Variants in BTRC observed in about 807,000 individuals in gnomAD.
BTRC encodes the protein F-box/WD repeat-containing protein 1A.
BTRC carries 42 observed loss-of-function variants against 85.5 expected under a neutral mutation model. The ratio of observed to expected loss-of-function variants is 0.49; its 90% confidence interval spans 0.38 to 0.64. The LOEUF (loss-of-function observed/expected upper bound fraction) is 0.64, where lower values mean the gene tolerates loss of function less well. BTRC is among the 30% of genes least tolerant of loss of function. The pLI is 0.00. For synonymous variants in BTRC, 255 were observed against 263.3 expected, an observed-to-expected ratio of 0.97 and a Z score of 0.30; for missense variants, 594 against 743.5, an observed-to-expected ratio of 0.80 and a Z score of 2.34.
chr10:101,509,003 C>G (rs1466179761), intron 4 of BTRC, among the ~76,000 whole-genome samples: 1 of 147,814 alleles, frequency 6.8e-6, no homozygotes, highest in African/African-American at 2.5e-5. Context: ...TCTGCATGTT[C>G]AATTTGTAGC....
chr10:101,531,797 T>G (rs1198308252), intron 7 of BTRC, among the ~76,000 whole-genome samples: 4 of 152,204 alleles, frequency 2.6e-5, no homozygotes, highest in Admixed American at 2.0e-4. Flanking sequence ...AGGCAAAATT[T>G]TAAAGCTTTA....
At chr10:101,390,830 T>C (rs1442892422) in intron 1 of BTRC, among the ~76,000 whole-genome samples, 2 of 152,194 alleles carry the variant, frequency 1.3e-5, no homozygotes, top group African/African-American at 4.8e-5. Context: ...CAGCACTCTC[T>C]TCTTTCTAAT....
At chr10:101,456,664 C>G (rs1467081071) in intron 2 of BTRC, among the ~76,000 whole-genome samples, 1 of 152,124 alleles carries the variant, frequency 6.6e-6, no homozygotes, top group East Asian at 1.9e-4. Context: ...GGAGCTTTAG[C>G]AGTATTTCCT....
intron 1 of BTRC, among the ~76,000 whole-genome samples, chr10:101,364,009 T>C (rs1268500222): frequency 6.6e-6 from 1 of 152,184 alleles, no homozygotes; most frequent in Non-Finnish European, 1.5e-5. Flanking sequence ...GATCTAAACT[T>C]GGCTTACTCA....
chr10:101,435,093 C>T (rs1944494436), intron 2 of BTRC, among the ~76,000 whole-genome samples: 1 of 151,996 alleles, frequency 6.6e-6, no homozygotes, highest in Non-Finnish European at 1.5e-5. Context: ...AATCTAGTAT[C>T]TTCTCTGCCC....
chr10:101,536,736 C>G, intron 12 of BTRC, 83 bp downstream of exon 12: 1 of 1,013,740 alleles, frequency 9.9e-7, no homozygotes, highest in Non-Finnish European at 1.5e-6. Flanking sequence ...CATAACCATT[C>G]CTTGTTTCTA....
chr10:101,548,769 G>T (rs2062599287), intron 13 of BTRC, among the ~76,000 whole-genome samples: 1 of 149,396 alleles, frequency 6.7e-6, no homozygotes, highest in East Asian at 2.0e-4. Flanking sequence ...GAAAAACCAG[G>T]CATGGCTGGG....
chr10:101,387,374 GTTAATTA>G (rs1943105950), intron 1 of BTRC, among the ~76,000 whole-genome samples: 1 of 150,584 alleles, frequency 6.6e-6, no homozygotes, highest in Admixed American at 6.6e-5. Flanking sequence ...GTATTTTATT[GTTAATTA>G]TTGTCATTCT....
chr10:101,513,251 A>G (rs2061979483), intron 4 of BTRC, among the ~76,000 whole-genome samples: 1 of 152,210 alleles, frequency 6.6e-6, no homozygotes, highest in Non-Finnish European at 1.5e-5. Context: ...ATTACAGTGG[A>G]TTTATCAGTA....
intron 2 of BTRC, among the ~76,000 whole-genome samples, chr10:101,436,910 T>A (rs936768347): frequency 1.3e-5 from 2 of 152,210 alleles, no homozygotes; most frequent in Non-Finnish European, 2.9e-5. Flanking sequence ...TTAGGCATTA[T>A]TCATTATATA....
At position 101,532,801 on chromosome 10, in the gene BTRC, C is replaced by CGCGT. The variant is rs147395156; in HGVS notation, c.979-148_979-147insTGCG. 14 of 605,868 alleles carry CGCGT rather than the reference C, an allele frequency of 2.3e-5. 1 individual carries two copies. Among genetic ancestry groups the CGCGT allele is most frequent in the South Asian group, 3.9e-5 (2 of 50,848 alleles). The allele number at this position is 605,868 out of a possible 1,614,324, so 37.5% of individuals were successfully genotyped here. On this transcript the variant is annotated intron_variant, in intron 8 of 14. Coordinates refer to ENST00000370187, the MANE Select transcript of BTRC (RefSeq NM_033637.4). ...GTGTGTGTGTGTGTGCGCGTGTGCGCGCGCGCGCGCTTAGCTATACCTATA... is the reference window on the plus strand; with the variant it reads ...GTGTGTGTGTGTGTGCGCGTGTGCGCGCGTGCGCGCGCGCTTAGCTATACCTATA...
intron 2 of BTRC, among the ~76,000 whole-genome samples, chr10:101,452,450 G>A (rs1274794414): frequency 1.3e-5 from 2 of 152,178 alleles, no homozygotes; most frequent in African/African-American, 4.8e-5. Context: ...CCCACTGACA[G>A]CTCCAAACAG....
intron 1 of BTRC, among the ~76,000 whole-genome samples, chr10:101,418,066 A>T (rs921831010): frequency 1.3e-5 from 2 of 152,184 alleles, no homozygotes; most frequent in Non-Finnish European, 1.5e-5. Context: ...TGAGTGGCTT[A>T]TAATAACACA....
chr10:101,423,320 G>A (rs1488210009), intron 1 of BTRC, among the ~76,000 whole-genome samples: 1 of 152,138 alleles, frequency 6.6e-6, no homozygotes, highest in Non-Finnish European at 1.5e-5. Flanking sequence ...GACTGACAAA[G>A]CTAACTAACA....
At chr10:101,520,471 G>T (rs1040740889) in intron 4 of BTRC, among the ~76,000 whole-genome samples, 1 of 152,090 alleles carries the variant, frequency 6.6e-6, no homozygotes, top group Non-Finnish European at 1.5e-5. Flanking sequence ...CATTATAGAG[G>T]TTCAGTAAAT....
In BTRC at chr10:101,535,078, A is replaced by G. The variant is rs1396444783; in HGVS notation, c.1347+168A>G. 3.3e-5 allele frequency among the ~76,000 whole-genome samples: 5 copies of G among 152,320 alleles called. 1 individual carries two copies. Among genetic ancestry groups the G allele is most frequent in the South Asian group, 4.1e-4 (2 of 4,826 alleles). On this transcript the variant is annotated intron_variant, in intron 10 of 14. Transcript: ENST00000370187. ...GTAATAAGTGAGACGTTGTGTGACA[A>G]TTTATCCTAGATATTTTATTCCTAT...
chr10:101,413,010 G>A (rs1430145724), intron 1 of BTRC, among the ~76,000 whole-genome samples: 1 of 152,194 alleles, frequency 6.6e-6, no homozygotes, highest in African/African-American at 2.4e-5. Context: ...AGAAATAGTT[G>A]ACCATAGGAA....
At chr10:101,532,797 T>TGTATGTGTGCGCGTGTGCGC (rs1554895742) in intron 8 of BTRC, among the ~76,000 whole-genome samples, 155 bp from the exon 9 acceptor site, 1 of 141,174 alleles carries the variant, frequency 7.1e-6, no homozygotes, top group African/African-American at 2.5e-5. Context: ...TGTGCGCGTG[T>TGTATGTGTGCGCGTGTGCGC]GCGCGCGCGC....
At chr10:101,385,130 T>G (rs749763765) in intron 1 of BTRC, among the ~76,000 whole-genome samples, 5 of 151,734 alleles carry the variant, frequency 3.3e-5, no homozygotes, top group Admixed American at 1.3e-4. Flanking sequence ...CTACTTGCTT[T>G]GAGGCTGCAG....
Sources: allele counts gnomAD v4.1 joint callset (sites outside exome capture counted in the v4.1 genomes callset), GRCh38; gene constraint gnomAD v4.1.1; transcripts MANE v1.5; gene names NCBI Gene and HGNC (gene_info 2026-07-23, HGNC 2026-07-21).